ZNF721: variants seen among roughly 807,000 people sequenced by gnomAD.
ZNF721 encodes zinc finger protein 721.
Under a neutral mutation model 2.4 loss-of-function variants are expected in ZNF721, and 2 were observed. The ratio of observed to expected loss-of-function variants is 0.82; its 90% CI spans 0.34 to 2.58. The LOEUF (loss-of-function observed/expected upper bound fraction) is 2.58. Ranked by LOEUF, ZNF721 falls within the 30% of genes most tolerant of loss-of-function variation. The pLI is 0.11. For missense variants in ZNF721, 1,187 were observed against 1,085.5 expected (o/e 1.09, Z -1.31); for synonymous variants, 398 against 381.8 (o/e 1.04, Z -0.50).
intron 1 of ZNF721, among the ~76,000 whole-genome samples, chr4:493,581 A>T (rs1716077913): frequency 1.3e-5 from 2 of 151,732 alleles, no homozygotes; most frequent in Admixed American, 1.3e-4. Flanking sequence ...CAGGAGGCTG[A>T]GGCAGGAGAA....
chr4:443,865 GCT>G lies in ZNF721; in HGVS notation c.600_601del (p.Arg200SerfsTer10), dbSNP rs1560224943. Reference sequence around the variant, plus strand: ...ATTCAGGTTTGTGGACCATCCAAAGGCTCTGTCACGATCTTCACCTGTGTAAG... The same window carrying G: ...ATTCAGGTTTGTGGACCATCCAAAGGCTGTCACGATCTTCACCTGTGTAAG... On this transcript the variant is annotated frameshift_variant, in exon 3 of 3. Transcript: ENST00000511833. LOFTEE classifies it low-confidence loss of function (END_TRUNC). The G allele has an allele frequency of 6.2e-7, 1 of 1,613,806 alleles. No homozygotes were observed. Among genetic ancestry groups the G allele is most frequent in the East Asian group, 2.2e-5 (1 of 44,862 alleles).
chr4:473,945 TC>T (rs1186802496), intron 1 of ZNF721: 4 of 1,503,510 alleles, frequency 2.7e-6, no homozygotes, highest in Admixed American at 1.8e-5. Context: ...TGATGAGGCC[TC>T]CCCAGCCTTG....
chr4:469,942 C>T (rs192804909), intron 2 of ZNF721, among the ~76,000 whole-genome samples: 88 of 152,216 alleles, frequency 5.8e-4, no homozygotes, highest in Non-Finnish European at 9.9e-4. Flanking sequence ...AGTGCAGTGG[C>T]GCCATCTCGG....
At chr4:452,397 C>T (rs1714698287) in intron 2 of ZNF721, among the ~76,000 whole-genome samples, 1 of 152,282 alleles carries the variant, frequency 6.6e-6, no homozygotes, top group South Asian at 2.1e-4. Context: ...CAACCCCTAC[C>T]ACTAAAAAGG....
At chr4:476,223 T>A (rs895733163) in intron 1 of ZNF721, among the ~76,000 whole-genome samples, 4 of 152,190 alleles carry the variant, frequency 2.6e-5, no homozygotes, top group Non-Finnish European at 5.9e-5. Flanking sequence ...TTCTCCTTGA[T>A]ACTACTAGAC....
intron 2 of ZNF721, among the ~76,000 whole-genome samples, chr4:458,207 T>C (rs1222458293): frequency 6.6e-6 from 1 of 152,252 alleles, no homozygotes. Context: ...CCAGTCATAT[T>C]GATCAACATC....
intron 1 of ZNF721, among the ~76,000 whole-genome samples, chr4:490,553 G>A (rs1238961873): frequency 1.3e-5 from 2 of 152,084 alleles, no homozygotes; most frequent in Admixed American, 1.3e-4. Context: ...TTTTGATGTG[G>A]CTAATAAAAA....
At chr4:492,791 CA>C (rs201247673) in intron 1 of ZNF721, among the ~76,000 whole-genome samples, 51,855 of 129,174 alleles carry the variant, frequency 0.4, 9,330 homozygotes, top group Middle Eastern at 0.5. Flanking sequence ...GCCTTCTTAC[CA>C]AAAAAAAAAA....
chr4:460,319 C>T (rs781922214), intron 2 of ZNF721, among the ~76,000 whole-genome samples: 1 of 152,156 alleles, frequency 6.6e-6, no homozygotes, highest in Non-Finnish European at 1.5e-5. Flanking sequence ...AACTGAACAA[C>T]TTGCTCCTGA....
rs541363263 is a variant in ZNF721, at chr4:461,095, T to C, written c.34+11480A>G. Among the ~76,000 whole-genome samples, 23 of 152,194 alleles carry C rather than the reference T, an allele frequency of 1.5e-4. No homozygotes were observed. In the South Asian group the frequency reaches 2.3e-3, roughly 15 times the overall value. On this transcript the variant is annotated intron_variant, in intron 2 of 2. Coordinates refer to ENST00000511833, the MANE Select transcript of ZNF721 (RefSeq NM_133474.4). ...AAAAGAGGGACTCCTCCCTAACTCA[T>C]TTTATGAGGCCAGCATCATCCTGAT...
intron 1 of ZNF721, among the ~76,000 whole-genome samples, chr4:498,215 GA>G (rs797042296): frequency 0.15 from 12,337 of 83,992 alleles, 530 homozygotes; most frequent in African/African-American, 0.3. Context: ...AAAAGAAAAA[GA>G]AAAAAAAAAA....
In ZNF721 at chr4:442,752, A is replaced by C; in HGVS notation, c.1715T>G (p.Leu572Arg). Reference protein sequence around the residue: ...CGKTFRQSANLYVHRRIHTGE... With the variant: ...CGKTFRQSANRYVHRRIHTGE... The stretch of plus-strand genomic sequence containing the variant: ...AGTATGAATTCTCCTATGTACATAA[A>C]GGTTTGCGGACTGTCTAAAGGTTTT... Residue 572 changes from leucine (L) to arginine (R), a missense_variant, in exon 3 of 3, where the codon CTT becomes CGT. Coordinates refer to ENST00000511833, the MANE Select transcript of ZNF721 (RefSeq NM_133474.4). 1 of 1,614,186 alleles carries C rather than the reference A, an allele frequency of 6.2e-7. No homozygotes were observed. The highest frequency in any genetic ancestry group is 8.5e-7 in the Non-Finnish European group (1 of 1,180,032).
chr4:451,616 AATTTGGTTATTAC>A (rs1259195538), intron 2 of ZNF721, among the ~76,000 whole-genome samples: 1 of 152,112 alleles, frequency 6.6e-6, no homozygotes, highest in African/African-American at 2.4e-5. Flanking sequence ...TTCCCACTGC[AATTTGGTTATTAC>A]ATTTGCTTAT....
At chr4:450,937 CAAAAAA>C (rs781962651) in intron 2 of ZNF721, among the ~76,000 whole-genome samples, 6 of 26,504 alleles carry the variant, frequency 2.3e-4, no homozygotes, top group African/African-American at 5.5e-4. Flanking sequence ...ACTCTGTCTC[CAAAAAA>C]AAAAAAAAAA....
intron 1 of ZNF721, chr4:473,968 C>G (rs1553868161): frequency 6.6e-7 from 1 of 1,507,338 alleles, no homozygotes; most frequent in Non-Finnish European, 9.0e-7. Flanking sequence ...GACGCCCTGC[C>G]CCGCACACTC....
rs781851884 is a variant in ZNF721, at chr4:443,213, T to G, written c.1254A>C (p.Thr418=). Residue 418 remains threonine, a synonymous_variant, in exon 3 of 3, where the codon ACA becomes ACC. Transcript: ENST00000511833. The stretch of plus-strand genomic sequence containing the variant: ...CAAAGGCTCTGCCACGATCTTCACA[T>G]GTGTAGGGTTTCTCTCTGGTGTGAA... ...KRIHTREKPY[T]CEDRGRAFGL... 3.1e-6 allele frequency: 5 copies of G among 1,613,720 alleles called. No homozygotes were observed. Among genetic ancestry groups the G allele is most frequent in the Non-Finnish European group, 4.2e-6 (5 of 1,179,788 alleles).
intron 2 of ZNF721, among the ~76,000 whole-genome samples, chr4:452,162 T>C (rs1209759273): frequency 6.6e-6 from 1 of 152,180 alleles, no homozygotes; most frequent in Non-Finnish European, 1.5e-5. Flanking sequence ...GCTATCAGCC[T>C]ATTGCTGAAA....
intron 2 of ZNF721, among the ~76,000 whole-genome samples, chr4:468,425 G>A (rs1408608900): frequency 2.0e-5 from 3 of 150,624 alleles, no homozygotes; most frequent in African/African-American, 4.9e-5. Flanking sequence ...ACCAGATTCC[G>A]TCACAAAAAA....
intron 2 of ZNF721, among the ~76,000 whole-genome samples, chr4:461,519 G>A (rs1395369086): frequency 2.6e-5 from 4 of 152,214 alleles, no homozygotes; most frequent in Non-Finnish European, 5.9e-5. Flanking sequence ...AAAGCTGGAA[G>A]CATTCCCTTT....
Sources: allele counts gnomAD v4.1 joint callset (sites outside exome capture counted in the v4.1 genomes callset), GRCh38; gene constraint gnomAD v4.1.1; transcripts MANE v1.5; gene names NCBI Gene and HGNC (gene_info 2026-07-23, HGNC 2026-07-21).